TRPM5: variants seen among roughly 807,000 people sequenced by gnomAD.
TRPM5 encodes transient receptor potential cation channel subfamily M member 5, also known as MLSN1 and TRP-related.
Under a neutral mutation model 124.9 loss-of-function variants are expected in TRPM5, and 121 were observed. The observed-to-expected ratio is 0.97, with a 90% CI of 0.84 to 1.13. TRPM5 has a LOEUF of 1.13. Ranked by LOEUF, TRPM5 falls within the 50% of genes most tolerant of loss-of-function variation. The pLI, the probability that TRPM5 is intolerant of heterozygous loss-of-function variation, is 0.00. For missense variants in TRPM5, 1,643 were observed against 1,589.1 expected, an observed-to-expected ratio of 1.03 and a Z score of -0.58; for synonymous variants, 781 against 700.5, an observed-to-expected ratio of 1.11 and a Z score of -1.81.
the TRPM5 span, among the ~76,000 whole-genome samples, chr11:2,437,108 G>A: frequency 6.6e-6 from 1 of 152,242 alleles, no homozygotes; most frequent in Non-Finnish European, 1.5e-5. This position sits in a 1 kb window ranked among gnomAD's most constrained non-coding sequence, Gnocchi z 5.6. Context: ...AAGGCTGCCT[G>A]TCTTAGGAGA....
At chr11:2,406,569 G>T in intron 21 of TRPM5, 92 bp downstream of exon 26, 1 of 1,488,120 alleles carries the variant, frequency 6.7e-7, no homozygotes, top group Non-Finnish European at 9.1e-7. Context: ...GCTTCAGTTC[G>T]CCAGCTCAGA....
the TRPM5 span, among the ~76,000 whole-genome samples, chr11:2,436,583 G>T: frequency 6.6e-6 from 1 of 152,342 alleles, no homozygotes; most frequent in East Asian, 1.9e-4. Context: ...GGGCTGGGGA[G>T]GCCTCAGACC....
chr11:2,420,537 G>T, intron 3 of TRPM5, 132 bp from the exon 9 acceptor site: 1 of 911,228 alleles, frequency 1.1e-6, no homozygotes, highest in Non-Finnish European at 1.6e-6. Flanking sequence ...CCGAGCCTTG[G>T]TTTCCCCACC....
chr11:2,426,462 G>C (rs775700297), upstream of TRPM5, among the ~76,000 whole-genome samples: 1 of 152,114 alleles, frequency 6.6e-6, no homozygotes, highest in Non-Finnish European at 1.5e-5. Flanking sequence ...GGGGCAGGGA[G>C]CCCGGGACAG....
the TRPM5 span, among the ~76,000 whole-genome samples, chr11:2,439,325 G>A: frequency 6.6e-6 from 1 of 152,160 alleles, no homozygotes. Flanking sequence ...ACATTGACAA[G>A]TGGGACCTAA....
the TRPM5 span, among the ~76,000 whole-genome samples, chr11:2,443,988 C>A: frequency 6.6e-6 from 1 of 152,168 alleles, no homozygotes; most frequent in Non-Finnish European, 1.5e-5. The surrounding 1 kb of genome is among the most constrained non-coding windows in gnomAD (Gnocchi z 5.0). Flanking sequence ...GGACAAGGCG[C>A]CCATTCTCCA....
At chr11:2,421,064 C>A in exon 3 of TRPM5, 1 of 1,548,548 alleles carries the variant, frequency 6.5e-7, no homozygotes, top group East Asian at 2.4e-5. Context: ...CGGTGCAGGA[C>A]GCGGCCCAGC....
chr11:2,413,560 T>C (rs1565009910), exon 13 of TRPM5: 1 of 1,612,344 alleles, frequency 6.2e-7, no homozygotes. Context: ...TGCGGCCATG[T>C]CCCCCCACCA....
the TRPM5 span, among the ~76,000 whole-genome samples, chr11:2,430,448 C>CTAG: frequency 5.6e-5 from 8 of 143,322 alleles, no homozygotes; most frequent in Admixed American, 1.5e-4. Context: ...AGTGGTGATA[C>CTAG]TAGTGGTGGT....
chr11:2,412,301 C>A, intron 15 of TRPM5, 48 bp from the exon 21 acceptor site: 1 of 1,326,300 alleles, frequency 7.5e-7, no homozygotes. Context: ...GCCGCCCTCG[C>A]TGGGGACAGC....
chr11:2,420,086 C>T, intron 4 of TRPM5, 136 bp downstream of exon 9: 8 of 986,146 alleles, frequency 8.1e-6, no homozygotes, highest in Non-Finnish European at 1.2e-5. Flanking sequence ...GGTCTCGGTG[C>T]TCAGGCATGC....
rs1281365848 is a variant in TRPM5 at position 2,405,432 on chromosome 11, G to A, written c.3391+95C>T. On this transcript the variant is annotated intron_variant, in intron 23 of 23. Transcript: ENST00000155858. ...TCCTGAGACTCCCGGGCCAGGCAGG[G>A]AAGGCAGAGCACACAGCACAGCCTA... 4.6e-6 allele frequency: 6 copies of A among 1,313,930 alleles called. No individual in the cohort carries two copies. The African/African-American group carries it at 7.3e-5, about 16-fold the overall frequency. 81.4% of individuals were successfully genotyped at this position (1,313,930 alleles called of 1,614,324 possible). A position where few individuals can be genotyped will look rare whatever the true frequency, so the allele number is the denominator to read the frequency against.
intron 12 of TRPM5, 43 bp downstream of exon 17, chr11:2,414,018 C>T (rs1850512410): frequency 5.3e-6 from 8 of 1,509,150 alleles, no homozygotes; most frequent in Admixed American, 2.0e-5. Context: ...CGCCCGCCCA[C>T]CCCACCCCCT....
At chr11:2,426,308 G>A (rs998964941), upstream of TRPM5, among the ~76,000 whole-genome samples, 6 of 152,230 alleles carry the variant, frequency 3.9e-5, no homozygotes, top group African/African-American at 1.2e-4. Context: ...CCCCGCCCCC[G>A]CCGGCCAGCC....
In TRPM5 at chr11:2,421,326, G is replaced by A. The variant is rs557345987; in HGVS notation, c.299-128C>T. 3 of 1,201,824 alleles carry A rather than the reference G, an allele frequency of 2.5e-6. No individual in the cohort carries two copies. In the South Asian group the frequency reaches 4.6e-5, roughly 19 times the overall value. The allele number at this position is 1,201,824 out of a possible 1,614,324, so 74.4% of individuals were successfully genotyped here. The stretch of plus-strand genomic sequence containing the variant: ...GAGCCAGGGGTGGGTGCTGGGGAAT[G>A]CCTCACGGTGGGGTGGGGAAGCCGA... On this transcript the variant is annotated intron_variant, in intron 2 of 23. Transcript: ENST00000155858.
At chr11:2,406,627 G>A (rs369241710) in intron 21 of TRPM5, 34 bp downstream of exon 26, 38 of 1,572,942 alleles carry the variant, frequency 2.4e-5, no homozygotes, top group Admixed American at 5.5e-5. Flanking sequence ...AAGACAGCCC[G>A]ATACCCACCA....
chr11:2,431,397 T>C, the TRPM5 span, among the ~76,000 whole-genome samples: 1 of 152,110 alleles, frequency 6.6e-6, no homozygotes, highest in Non-Finnish European at 1.5e-5. Context: ...TACAGCAGGT[T>C]CTGCCAGTGT....
rs1275873273 is a variant in TRPM5 at position 2,414,899 on chromosome 11, G to A, written c.1620+8C>T. On this transcript the variant is annotated splice_region_variant and intron_variant, in intron 10 of 23. Coordinates refer to ENST00000155858, the Ensembl canonical transcript of TRPM5. The stretch of plus-strand genomic sequence containing the variant: ...TGCCCCCGCGCTGGGCCCGCGGCCT[G>A]GGCTCACCATGGCCCAGAAGTAGGT... The A allele has an allele frequency of 6.2e-7, 1 of 1,602,532 alleles. No individual in the cohort carries two copies. Among genetic ancestry groups the A allele is most frequent in the Non-Finnish European group, 8.5e-7 (1 of 1,176,056 alleles).
At chr11:2,411,037 A>C (rs949155136) in intron 18 of TRPM5, among the ~76,000 whole-genome samples, 6 of 151,880 alleles carry the variant, frequency 4.0e-5, no homozygotes, top group Non-Finnish European at 7.4e-5. Context: ...CCAGAGCAAG[A>C]CTTGCTGCTT....
Sources: allele counts gnomAD v4.1 joint callset (sites outside exome capture counted in the v4.1 genomes callset), GRCh38; gene constraint gnomAD v4.1.1; non-coding constraint Gnocchi (gnomAD v3.1); transcripts MANE v1.5; gene names NCBI Gene and HGNC (gene_info 2026-07-23, HGNC 2026-07-21).